SH3D19: variants seen among roughly 807,000 people sequenced by gnomAD.
SH3D19 encodes SH3 domain-containing protein 19.
A neutral mutation model predicts 112.1 loss-of-function variants in SH3D19; 58 were observed. That is an observed-to-expected ratio of 0.52 (90% CI 0.42 to 0.64). SH3D19 has a LOEUF of 0.64. Among genes scored for constraint, SH3D19 ranks in the 30% least tolerant of loss-of-function variants. SH3D19 has a pLI of 0.00. For missense variants in SH3D19, 1,090 were observed against 1,263.4 expected, an observed-to-expected ratio of 0.86 and a Z score of 2.08; for synonymous variants, 391 against 448.5, an observed-to-expected ratio of 0.87 and a Z score of 1.62.
intron 1 of SH3D19, among the ~76,000 whole-genome samples, chr4:151,241,230 A>C (rs917585269): frequency 2.0e-5 from 3 of 151,890 alleles, no homozygotes; most frequent in Non-Finnish European, 4.4e-5. Flanking sequence ...AATTCAAGGC[A>C]GCAGTGAGCT....
intron 1 of SH3D19, among the ~76,000 whole-genome samples, chr4:151,245,936 T>C (rs1770913667): frequency 6.6e-6 from 1 of 152,052 alleles, no homozygotes; most frequent in Non-Finnish European, 1.5e-5. Flanking sequence ...ACTTGACCCA[T>C]TCTCATTTCC....
chr4:151,214,630 G>T (rs1413507450), intron 2 of SH3D19, among the ~76,000 whole-genome samples: 1 of 43,292 alleles, frequency 2.3e-5, no homozygotes, highest in Admixed American at 2.7e-4. Context: ...TGGCCGGGCG[G>T]GGGGCTGACC....
At chr4:151,214,711 C>T (rs201223729) in intron 2 of SH3D19, among the ~76,000 whole-genome samples, 2 of 52,858 alleles carry the variant, frequency 3.8e-5, no homozygotes, top group Non-Finnish European at 6.3e-5. Context: ...TAGGGGCGGC[C>T]GGGCAGAGGC....
At chr4:151,151,266 A>C (rs6829963) in intron 9 of SH3D19, among the ~76,000 whole-genome samples, 128,847 of 152,116 alleles carry the variant, frequency 0.85, 55,714 homozygotes, top group Non-Finnish European at 0.95. Flanking sequence ...CAGTCCCTCA[A>C]TAAATTCTTC....
chr4:151,187,968 C>T (rs1322852720), intron 2 of SH3D19, among the ~76,000 whole-genome samples: 1 of 152,140 alleles, frequency 6.6e-6, no homozygotes, highest in East Asian at 1.9e-4. Flanking sequence ...CTCTCCCTCC[C>T]AGACTCCCTG....
chr4:151,258,082 A>G (rs1364913905), intron 1 of SH3D19, among the ~76,000 whole-genome samples: 1 of 152,162 alleles, frequency 6.6e-6, no homozygotes, highest in Non-Finnish European at 1.5e-5. Context: ...AATTATAAGT[A>G]AAAACCTCCT....
intron 1 of SH3D19, chr4:151,291,201 T>C (rs1231022545): frequency 6.2e-7 from 1 of 1,613,898 alleles, no homozygotes; most frequent in Middle Eastern, 1.6e-4. Flanking sequence ...TAGAATGTGG[T>C]AAATCTCTTC....
At chr4:151,302,727 G>A (rs1728555950) in intron 1 of SH3D19, among the ~76,000 whole-genome samples, 1 of 152,178 alleles carries the variant, frequency 6.6e-6, no homozygotes, top group Admixed American at 6.5e-5. Context: ...ATTAAATCAA[G>A]GTCATATAGC....
At chr4:151,256,974 T>A (rs1434195987) in intron 1 of SH3D19, among the ~76,000 whole-genome samples, 1 of 152,172 alleles carries the variant, frequency 6.6e-6, no homozygotes, top group African/African-American at 2.4e-5. Context: ...ATTCGTGGCT[T>A]CAAGTGATCT....
At chr4:151,292,821 T>G (rs1404762294) in intron 1 of SH3D19, among the ~76,000 whole-genome samples, 10 of 152,218 alleles carry the variant, frequency 6.6e-5, no homozygotes, top group Non-Finnish European at 1.5e-5. Context: ...TAAGTACATT[T>G]TGGCTTACTT....
chr4:151,244,602 T>C (rs779597984), intron 1 of SH3D19, among the ~76,000 whole-genome samples: 71 of 152,362 alleles, frequency 4.7e-4, no homozygotes, highest in Non-Finnish European at 9.3e-4. Context: ...AATCATGTTA[T>C]AGTCAGAGAC....
At position 151,143,980 on chromosome 4, in the gene SH3D19, G is replaced by A; in HGVS notation, c.2153C>T (p.Thr718Ile). 21 of 1,614,108 alleles carry A rather than the reference G, an allele frequency of 1.3e-5. No homozygotes were observed. The highest frequency in any genetic ancestry group is 1.6e-5 in the Non-Finnish European group (19 of 1,179,992). The change falls in exon 12 of 20, where the codon ACT (threonine) becomes ATT (isoleucine). Residue 718 changes from threonine (T) to isoleucine (I), a missense_variant. Coordinates refer to ENST00000604030, the MANE Select transcript of SH3D19 (RefSeq NM_001378122.1). ...CATTTGAGACAGGTGAACTCTGCCA[G>A]TGTCTTCTCCCTTTTGGCACTCCAA... ...NYLECQKGED[T>I]GRVHLSQMKI... is the part of the protein sequence containing the mutation.
chr4:151,297,294 G>A (rs1343669905), intron 1 of SH3D19, among the ~76,000 whole-genome samples: 3 of 152,228 alleles, frequency 2.0e-5, no homozygotes, highest in African/African-American at 7.2e-5. Context: ...TACTATGTAA[G>A]CCTTCACTTT....
intron 4 of SH3D19, 116 bp downstream of exon 4, chr4:151,179,239 G>T: frequency 2.0e-6 from 1 of 511,098 alleles, no homozygotes; most frequent in Non-Finnish European, 3.0e-6. Context: ...TATTGATGAA[G>T]CAGAATACAA....
At chr4:151,193,671 A>G (rs1762980039) in intron 2 of SH3D19, among the ~76,000 whole-genome samples, 1 of 152,212 alleles carries the variant, frequency 6.6e-6, no homozygotes, top group South Asian at 2.1e-4. Flanking sequence ...GTTACATGAC[A>G]TGGAACAGAT....
At chr4:151,237,179 G>A (rs1208826139) in intron 1 of SH3D19, among the ~76,000 whole-genome samples, 1 of 152,090 alleles carries the variant, frequency 6.6e-6, no homozygotes, top group South Asian at 2.1e-4. Context: ...GAACAACTCT[G>A]GACACGCCGC....
At chr4:151,132,209 A>G in intron 17 of SH3D19, 122 bp downstream of exon 17, 1 of 767,110 alleles carries the variant, frequency 1.3e-6, no homozygotes, top group Non-Finnish European at 2.1e-6. Context: ...ATTTATTACA[A>G]ACATTTGTTG....
chr4:151,258,509 T>TA (rs1244642376), intron 1 of SH3D19, among the ~76,000 whole-genome samples: 1 of 152,204 alleles, frequency 6.6e-6, no homozygotes, highest in African/African-American at 2.4e-5. Context: ...TGTGTGAACT[T>TA]AGACTTGTTC....
chr4:151,126,867 C>T (rs367784210), intron 19 of SH3D19, among the ~76,000 whole-genome samples: 28 of 88,332 alleles, frequency 3.2e-4, no homozygotes, highest in Middle Eastern at 7.5e-3. Flanking sequence ...GGCATTTCTT[C>T]GGTGAAAAAA....
Sources: allele counts gnomAD v4.1 joint callset (sites outside exome capture counted in the v4.1 genomes callset), GRCh38; gene constraint gnomAD v4.1.1; transcripts MANE v1.5; gene names NCBI Gene and HGNC (gene_info 2026-07-23, HGNC 2026-07-21).